Variants in ARHGAP22 observed in about 807,000 individuals in gnomAD.
ARHGAP22 encodes Rho GTPase activating protein 22, also known as rho GTPase-activating protein 22.
ARHGAP22 carries 48 observed loss-of-function variants against 59.1 expected under a neutral mutation model. That is an observed-to-expected ratio of 0.81 (90% CI 0.64 to 1.03). ARHGAP22 has a LOEUF of 1.03. Among genes scored for constraint, ARHGAP22 ranks in the 50% least tolerant of loss-of-function variants. ARHGAP22 has a pLI of 0.00. For missense variants in ARHGAP22, 1,015 were observed against 958.7 expected (o/e 1.06, Z -0.78); for synonymous variants, 445 against 416.4 (o/e 1.07, Z -0.84).
chr10:48,486,554 G>A (rs1016499462), intron 3 of ARHGAP22, among the ~76,000 whole-genome samples: 15 of 152,146 alleles, frequency 9.9e-5, no homozygotes, highest in African/African-American at 3.6e-4. Context: ...TGGCCAGGCT[G>A]TTCTCGAACT....
At chr10:48,468,684 T>C (rs1238412885) in intron 4 of ARHGAP22, among the ~76,000 whole-genome samples, 1 of 152,226 alleles carries the variant, frequency 6.6e-6, no homozygotes, top group African/African-American at 2.4e-5. Context: ...TTAGTATTCA[T>C]GTTCATTTTT....
chr10:48,448,550 G>A (rs551343420), intron 9 of ARHGAP22, among the ~76,000 whole-genome samples: 1 of 152,278 alleles, frequency 6.6e-6, no homozygotes, highest in African/African-American at 2.4e-5. Flanking sequence ...GCCCTGGGGA[G>A]GGGCTCTGAC....
chr10:48,509,036 C>T (rs1293711473), intron 3 of ARHGAP22, among the ~76,000 whole-genome samples: 1 of 152,240 alleles, frequency 6.6e-6, no homozygotes, highest in Non-Finnish European at 1.5e-5. Context: ...GGCTCTGAAA[C>T]TGAATGCTAA....
intron 3 of ARHGAP22, among the ~76,000 whole-genome samples, chr10:48,489,968 C>T (rs1337786903): frequency 4.6e-5 from 7 of 152,080 alleles, no homozygotes; most frequent in East Asian, 3.9e-4. Context: ...CTCCTGACCT[C>T]GTGATCCACC....
chr10:48,463,466 G>C (rs1238078439), intron 4 of ARHGAP22, among the ~76,000 whole-genome samples: 1 of 152,212 alleles, frequency 6.6e-6, no homozygotes, highest in Non-Finnish European at 1.5e-5. Flanking sequence ...CATGAGGGGA[G>C]GGGCTGACCT....
intron 1 of ARHGAP22, among the ~76,000 whole-genome samples, chr10:48,619,911 A>C (rs1460079003): frequency 6.6e-6 from 1 of 152,194 alleles, no homozygotes; most frequent in Non-Finnish European, 1.5e-5. Context: ...ATGAATAGAC[A>C]AGCTGCAGAG....
rs2050135822 is a variant in ARHGAP22, at chr10:48,489,240, A to T, written c.323-9476T>A. 1.3e-5 allele frequency among the ~76,000 whole-genome samples: 2 copies of T among 152,176 alleles called. 1 individual carries two copies. Among genetic ancestry groups the T allele is most frequent in the South Asian group, 4.2e-4 (2 of 4,812 alleles). On this transcript the variant is annotated intron_variant, in intron 3 of 9. Coordinates refer to ENST00000249601, the MANE Select transcript of ARHGAP22 (RefSeq NM_021226.4). Reference sequence around the variant, plus strand: ...ACCCTGCAAGGTGCTTAATAGGCCCAGTCCCAGGCAGTCTTCATAGACACC... The same window carrying T: ...ACCCTGCAAGGTGCTTAATAGGCCCTGTCCCAGGCAGTCTTCATAGACACC...
intron 3 of ARHGAP22, among the ~76,000 whole-genome samples, chr10:48,520,512 G>A (rs1311413596): frequency 6.6e-6 from 1 of 152,192 alleles, no homozygotes; most frequent in Non-Finnish European, 1.5e-5. Flanking sequence ...TGGGGAGGAG[G>A]ACAAAGGGGA....
intron 1 of ARHGAP22, among the ~76,000 whole-genome samples, chr10:48,625,692 G>GCACA (rs1225672307): frequency 3.7e-4 from 42 of 112,540 alleles, no homozygotes; most frequent in South Asian, 1.2e-3. Context: ...CCTGCAACGT[G>GCACA]TACACACACA....
chr10:48,581,408 C>T (rs2059113657), intron 2 of ARHGAP22, among the ~76,000 whole-genome samples: 1 of 152,216 alleles, frequency 6.6e-6, no homozygotes, highest in Non-Finnish European at 1.5e-5. Context: ...TTTCAGAAAA[C>T]TTTTGTTCAC....
At chr10:48,550,199 C>A (rs1039724373) in intron 3 of ARHGAP22, among the ~76,000 whole-genome samples, 1 of 152,208 alleles carries the variant, frequency 6.6e-6, no homozygotes, top group Non-Finnish European at 1.5e-5. Context: ...AAGTCCCATG[C>A]ACTCCCTGCG....
At chr10:48,491,733 G>A (rs1395953049) in intron 3 of ARHGAP22, among the ~76,000 whole-genome samples, 1 of 152,282 alleles carries the variant, frequency 6.6e-6, no homozygotes, top group Non-Finnish European at 1.5e-5. Flanking sequence ...ATGAGCGTGA[G>A]TAGTGTGAAC....
At chr10:48,606,100 G>A (rs931914982), upstream of ARHGAP22, among the ~76,000 whole-genome samples, 1 of 152,170 alleles carries the variant, frequency 6.6e-6, no homozygotes, top group African/African-American at 2.4e-5. Context: ...CCTGAGAACT[G>A]TGTGACCCTT....
intron 3 of ARHGAP22, chr10:48,493,377 G>A (rs761736010): frequency 5.5e-6 from 8 of 1,464,446 alleles, no homozygotes; most frequent in East Asian, 5.0e-5. Context: ...AGGGTTAATC[G>A]CCCTCCCCAG....
At chr10:48,442,185 C>A (rs1018631812), downstream of ARHGAP22, among the ~76,000 whole-genome samples, 7 of 152,246 alleles carry the variant, frequency 4.6e-5, no homozygotes, top group African/African-American at 1.4e-4. Flanking sequence ...CCTGCCCTCA[C>A]TGGCTGCCTC....
intron 1 of ARHGAP22, among the ~76,000 whole-genome samples, chr10:48,594,090 C>T (rs1443829227): frequency 6.6e-6 from 1 of 152,224 alleles, no homozygotes. Context: ...TTATTTGATA[C>T]ATGCTTATGA....
chr10:48,636,637 T>C (rs892697043), intron 1 of ARHGAP22, among the ~76,000 whole-genome samples: 2 of 152,202 alleles, frequency 1.3e-5, no homozygotes, highest in Admixed American at 1.3e-4. Context: ...ACACGTGTTA[T>C]GTGTGTCCAA....
rs776874081 is a variant in ARHGAP22 at position 48,459,745 on chromosome 10, C to T, written c.598G>A (p.Ala200Thr). ...TCCTGCAGGTCCCTCACCAGGTTGG[C>T]CTGGCCTGGCATGCGGAACAGCCCC... Reference protein sequence around the residue: ...EEGLFRMPGQANLVRDLQDSF... With the variant: ...EEGLFRMPGQTNLVRDLQDSF... The change falls in exon 5 of 10, where the codon GCC becomes ACC. Residue 200 changes from alanine to threonine, a missense_variant. By Grantham distance (58) the Ala-to-Thr change is moderately conservative. Transcript: ENST00000249601. The T allele has an allele frequency of 1.9e-6, 3 of 1,613,842 alleles. No individual in the cohort carries two copies. The highest frequency in any genetic ancestry group is 2.5e-6 in the Non-Finnish European group (3 of 1,179,904).
At chr10:48,642,081 TAAAAG>T (rs1202549311) in intron 1 of ARHGAP22, among the ~76,000 whole-genome samples, 1 of 151,944 alleles carries the variant, frequency 6.6e-6, no homozygotes, top group East Asian at 1.9e-4. Flanking sequence ...CTCAACGAAA[TAAAAG>T]AGAACACAAA....
Sources: allele counts gnomAD v4.1 joint callset (sites outside exome capture counted in the v4.1 genomes callset), GRCh38; gene constraint gnomAD v4.1.1; transcripts MANE v1.5; gene names NCBI Gene and HGNC (gene_info 2026-07-23, HGNC 2026-07-21).